PPM1L: variants seen among roughly 807,000 people sequenced by gnomAD.
PPM1L encodes protein phosphatase, Mg2+/Mn2+ dependent 1L, also known as protein phosphatase 1L.
In PPM1L, 13 loss-of-function variants were observed where a neutral mutation model predicts 31.4. The observed-to-expected ratio is 0.41, with a 90% confidence interval of 0.27 to 0.66. The LOEUF is 0.66. Among genes scored for constraint, PPM1L ranks in the 30% least tolerant of loss-of-function variants. PPM1L has a pLI of 0.29. For missense variants in PPM1L, 326 were observed against 453.7 expected (o/e 0.72, Z 2.56); for synonymous variants, 184 against 175.4 (o/e 1.05, Z -0.39).
intron 1 of PPM1L, among the ~76,000 whole-genome samples, chr3:160,936,033 G>A (rs1469474467): frequency 1.3e-5 from 2 of 152,092 alleles, no homozygotes; most frequent in Admixed American, 6.5e-5. Flanking sequence ...GAAGTGGGTC[G>A]TTGTTCTAGA....
At chr3:160,780,808 G>A (rs1172044649) in intron 1 of PPM1L, among the ~76,000 whole-genome samples, 1 of 152,138 alleles carries the variant, frequency 6.6e-6, no homozygotes, top group Non-Finnish European at 1.5e-5. Context: ...ATATTGGGTT[G>A]TAGACAGACA....
intron 2 of PPM1L, among the ~76,000 whole-genome samples, chr3:161,045,140 C>T (rs1037338541): frequency 6.6e-6 from 1 of 152,178 alleles, no homozygotes; most frequent in Non-Finnish European, 1.5e-5. Flanking sequence ...TAGAGACCTA[C>T]AAAGAGACTT....
chr3:160,871,199 G>C (rs1000316238), intron 1 of PPM1L, among the ~76,000 whole-genome samples: 5 of 152,134 alleles, frequency 3.3e-5, no homozygotes, highest in African/African-American at 1.2e-4. Flanking sequence ...AATTGGCACT[G>C]TTCAAATCCT....
chr3:161,060,185 A>G (rs1460948340), intron 2 of PPM1L, among the ~76,000 whole-genome samples: 1 of 152,186 alleles, frequency 6.6e-6, no homozygotes, highest in Non-Finnish European at 1.5e-5. Context: ...CCTGTCAGAA[A>G]AGGCCTCTCT....
intron 2 of PPM1L, among the ~76,000 whole-genome samples, chr3:161,060,671 T>A (rs995800099): frequency 1.3e-5 from 2 of 151,486 alleles, no homozygotes; most frequent in Non-Finnish European, 2.9e-5. Context: ...TCAAATAACT[T>A]GCCAAACCTC....
At chr3:161,001,658 C>A (rs1420942912) in intron 2 of PPM1L, among the ~76,000 whole-genome samples, 1 of 152,078 alleles carries the variant, frequency 6.6e-6, no homozygotes, top group South Asian at 2.1e-4. Context: ...ATAAATAACA[C>A]CCCCAGCTCT....
intron 1 of PPM1L, among the ~76,000 whole-genome samples, chr3:160,781,285 C>T (rs1251384891): frequency 6.6e-6 from 1 of 151,976 alleles, no homozygotes; most frequent in Non-Finnish European, 1.5e-5. Flanking sequence ...TTAGGGATGG[C>T]CTTATTATAT....
Position 161,077,096 on chromosome 3 carries a change from A to AT in PPM1L, c.*7940dup, listed in dbSNP as rs2108120700. 6.6e-6 allele frequency: 1 copy of AT among 152,274 alleles called. No homozygotes were observed. Among genetic ancestry groups the AT allele is most frequent in the Admixed American group, 6.5e-5 (1 of 15,302 alleles). 9.4% of individuals were successfully genotyped at this position (152,274 alleles called of 1,614,324 possible). On this transcript the variant is annotated 3_prime_UTR_variant, in exon 4 of 4. Transcript: ENST00000498165. Reference sequence around the variant, plus strand: ...CTTACACCCTATTGGGGTGTCAGAGATATTATAACACTCAATATTGACCCA... The same window carrying AT: ...CTTACACCCTATTGGGGTGTCAGAGATTATTATAACACTCAATATTGACCCA...
chr3:160,996,568 C>G lies in PPM1L; in HGVS notation c.574+34658C>G, dbSNP rs553092011. On this transcript the variant is annotated intron_variant, in intron 2 of 3. Coordinates refer to ENST00000498165, the MANE Select transcript of PPM1L (RefSeq NM_139245.4). ...AAAGCAAACATCATATGTTGTCACT[C>G]ATAAGTGGGAGCTAAGCTATGTGGA... is the stretch of plus-strand genomic sequence containing the variant. Among the ~76,000 whole-genome samples the G allele has an allele frequency of 9.2e-5, 14 of 152,066 alleles. 1 individual carries two copies. Among genetic ancestry groups the G allele is most frequent in the Admixed American group, 9.2e-4 (14 of 15,256 alleles).
At chr3:160,827,034 C>T (rs376579765) in intron 1 of PPM1L, among the ~76,000 whole-genome samples, 2 of 152,130 alleles carry the variant, frequency 1.3e-5, no homozygotes, top group East Asian at 1.9e-4. Flanking sequence ...GATTTGTGTG[C>T]GACAAAATGT....
At chr3:160,777,062 C>G (rs556626715) in intron 1 of PPM1L, among the ~76,000 whole-genome samples, 5 of 152,004 alleles carry the variant, frequency 3.3e-5, no homozygotes, top group South Asian at 2.1e-4. Context: ...GTGGCTCATG[C>G]CTGTAACCTT....
At chr3:160,963,954 C>T (rs1396515742) in intron 2 of PPM1L, among the ~76,000 whole-genome samples, 1 of 152,020 alleles carries the variant, frequency 6.6e-6, no homozygotes, top group Non-Finnish European at 1.5e-5. Flanking sequence ...CAGGTTAATA[C>T]TGGTGTGATC....
chr3:160,840,743 G>GGAGAGAGAGAAAGAAGGAGA (rs1472772366), intron 1 of PPM1L, among the ~76,000 whole-genome samples: 1 of 141,024 alleles, frequency 7.1e-6, no homozygotes, highest in African/African-American at 2.9e-5. Context: ...AGAGAGAGAA[G>GGAGAGAGAGAAAGAAGGAGA]GAGAGAGAGA....
At chr3:161,027,072 C>T (rs540560000) in intron 2 of PPM1L, among the ~76,000 whole-genome samples, 1 of 152,296 alleles carries the variant, frequency 6.6e-6, no homozygotes, top group Non-Finnish European at 1.5e-5. Context: ...TATTGTCTAC[C>T]TCACAGAGCT....
chr3:160,867,800 G>C (rs1361623774), intron 1 of PPM1L, among the ~76,000 whole-genome samples: 1 of 152,198 alleles, frequency 6.6e-6, no homozygotes, highest in Non-Finnish European at 1.5e-5. Context: ...GTGCTGGAAA[G>C]AGTCATTTTG....
intron 2 of PPM1L, among the ~76,000 whole-genome samples, chr3:160,963,405 A>G (rs1716029863): frequency 1.3e-5 from 2 of 152,104 alleles, no homozygotes; most frequent in African/African-American, 4.8e-5. Flanking sequence ...ATGAAAAGGA[A>G]TCTGAGATGT....
intron 3 of PPM1L, 97 bp downstream of exon 3, chr3:161,065,661 GTATTA>G: frequency 9.2e-7 from 1 of 1,091,010 alleles, no homozygotes; most frequent in Non-Finnish European, 1.3e-6. Context: ...CAGTTATGCA[GTATTA>G]GAGAGGCTGC....
At chr3:160,869,401 A>G (rs1478706992) in intron 1 of PPM1L, among the ~76,000 whole-genome samples, 1 of 152,158 alleles carries the variant, frequency 6.6e-6, no homozygotes, top group Non-Finnish European at 1.5e-5. Flanking sequence ...TTGTTTGCTC[A>G]GCTTTGGTGT....
At chr3:161,029,300 C>T (rs1403282857) in intron 2 of PPM1L, among the ~76,000 whole-genome samples, 1 of 152,196 alleles carries the variant, frequency 6.6e-6, no homozygotes, top group Non-Finnish European at 1.5e-5. Context: ...TTGAGTTTTA[C>T]AGTGCTATTA....
Sources: allele counts gnomAD v4.1 joint callset (sites outside exome capture counted in the v4.1 genomes callset), GRCh38; gene constraint gnomAD v4.1.1; transcripts MANE v1.5; gene names NCBI Gene and HGNC (gene_info 2026-07-23, HGNC 2026-07-21).